CNTN4: variants seen among roughly 807,000 people sequenced by gnomAD.
The protein encoded by CNTN4 is contactin 4.
In CNTN4, 77 loss-of-function variants were observed where a neutral mutation model predicts 122.5. That is an observed-to-expected ratio of 0.63 (90% CI 0.52 to 0.76). The LOEUF (loss-of-function observed/expected upper bound fraction) is 0.76. CNTN4 is among the 30% of genes least tolerant of loss of function. The pLI is 0.00. For synonymous variants in CNTN4, 512 were observed against 447.0 expected, an observed-to-expected ratio of 1.15 and a Z score of -1.83; for missense variants, 1,256 against 1,259.1, an observed-to-expected ratio of 1.00 and a Z score of 0.04.
At chr3:2,526,049 G>A (rs1223678974) in intron 3 of CNTN4, among the ~76,000 whole-genome samples, 1 of 152,056 alleles carries the variant, frequency 6.6e-6, no homozygotes, top group Non-Finnish European at 1.5e-5. Flanking sequence ...GAATCAAAAA[G>A]GTAGTGTGAC....
chr3:2,213,069 G>A (rs533581926), intron 2 of CNTN4, among the ~76,000 whole-genome samples: 18 of 152,254 alleles, frequency 1.2e-4, no homozygotes, highest in African/African-American at 4.1e-4. Flanking sequence ...AAATGCTGTG[G>A]TTTGTTTGGT....
chr3:2,497,762 C>G (rs1414792920), intron 3 of CNTN4, among the ~76,000 whole-genome samples: 1 of 152,102 alleles, frequency 6.6e-6, no homozygotes, highest in Non-Finnish European at 1.5e-5. Context: ...CCTTATAGAG[C>G]ACTTAACAGA....
At chr3:2,784,386 G>C (rs370341626) in intron 6 of CNTN4, among the ~76,000 whole-genome samples, 1 of 152,142 alleles carries the variant, frequency 6.6e-6, no homozygotes, top group South Asian at 2.1e-4. Flanking sequence ...CTCCACATCC[G>C]TTTGATCTTC....
chr3:2,260,720 TTTTA>T (rs887555731), intron 2 of CNTN4, among the ~76,000 whole-genome samples: 9 of 121,076 alleles, frequency 7.4e-5, no homozygotes, highest in African/African-American at 2.2e-4. Context: ...TTTCTTTTTA[TTTTA>T]TTTATTTATT....
rs17025124 is a variant in CNTN4 at position 3,036,462 on chromosome 3, T to C, written c.1943-717T>C. ...TTCTGTTAAATGGGCACAATAAGAATTGTTTAAGAATGAATATAGGCCAGG... is the reference window on the plus strand; with the variant it reads ...TTCTGTTAAATGGGCACAATAAGAACTGTTTAAGAATGAATATAGGCCAGG... On this transcript the variant is annotated intron_variant, in intron 17 of 24. Coordinates refer to ENST00000418658, the MANE Select transcript of CNTN4 (RefSeq NM_175607.3). Among the ~76,000 whole-genome samples the C allele has an allele frequency of 3.4e-3, 515 of 152,208 alleles. 3 individuals are homozygous for C. Among genetic ancestry groups the C allele is most frequent in the African/African-American group, 0.012 (479 of 41,542 alleles).
At chr3:2,331,614 A>C (rs899193240) in intron 2 of CNTN4, among the ~76,000 whole-genome samples, 2 of 152,180 alleles carry the variant, frequency 1.3e-5, no homozygotes, top group South Asian at 2.1e-4. Context: ...TACCCTGAGA[A>C]TGACCCTGTA....
intron 2 of CNTN4, among the ~76,000 whole-genome samples, chr3:2,103,718 AT>A (rs534171706): frequency 2.6e-4 from 32 of 122,374 alleles, no homozygotes; most frequent in East Asian, 7.5e-4. Flanking sequence ...ATTATTTTTT[AT>A]TTATCTATTT....
chr3:2,573,218 C>T (rs2079505339), intron 4 of CNTN4, among the ~76,000 whole-genome samples: 1 of 152,180 alleles, frequency 6.6e-6, no homozygotes, highest in African/African-American at 2.4e-5. Flanking sequence ...TTTCATTCTT[C>T]CTATGTTTTT....
chr3:2,169,396 A>G (rs1356780901), intron 2 of CNTN4, among the ~76,000 whole-genome samples: 1 of 152,130 alleles, frequency 6.6e-6, no homozygotes, highest in African/African-American at 2.4e-5. Context: ...TTAGAACATT[A>G]GGAATGATAA....
intron 3 of CNTN4, among the ~76,000 whole-genome samples, chr3:2,503,757 T>C (rs2149020979): frequency 6.6e-6 from 1 of 152,082 alleles, no homozygotes; most frequent in Non-Finnish European, 1.5e-5. Flanking sequence ...TATATTTACA[T>C]AGATAGGAAA....
At chr3:2,838,479 G>A (rs1437738816) in intron 7 of CNTN4, among the ~76,000 whole-genome samples, 3 of 151,352 alleles carry the variant, frequency 2.0e-5, no homozygotes, top group Admixed American at 2.0e-4. Flanking sequence ...TATAGAGCAT[G>A]GATGAGAGAA....
chr3:2,831,360 A>C (rs1459253761), intron 7 of CNTN4, among the ~76,000 whole-genome samples: 2 of 152,266 alleles, frequency 1.3e-5, no homozygotes, highest in Non-Finnish European at 2.9e-5. Context: ...TGATTTTGAC[A>C]TTTGCAGATA....
intron 4 of CNTN4, among the ~76,000 whole-genome samples, chr3:2,634,003 C>G (rs989212573): frequency 6.6e-6 from 1 of 152,176 alleles, no homozygotes; most frequent in South Asian, 2.1e-4. Flanking sequence ...CTATCCCTTA[C>G]AAGAACAGAT....
chr3:2,223,574 G>A (rs540303685), intron 2 of CNTN4, among the ~76,000 whole-genome samples: 1 of 152,228 alleles, frequency 6.6e-6, no homozygotes, highest in Admixed American at 6.5e-5. Flanking sequence ...AGAGTTGACA[G>A]AGTAGGCCTG....
intron 14 of CNTN4, among the ~76,000 whole-genome samples, chr3:3,018,457 C>G (rs1400409296): frequency 6.6e-6 from 1 of 152,040 alleles, no homozygotes; most frequent in South Asian, 2.1e-4. Context: ...CCTCCCTTTC[C>G]TGTCTGGCAC....
At chr3:2,473,654 T>C (rs2075756899) in intron 3 of CNTN4, among the ~76,000 whole-genome samples, 1 of 152,164 alleles carries the variant, frequency 6.6e-6, no homozygotes, top group Non-Finnish European at 1.5e-5. Flanking sequence ...GCAGTGATGC[T>C]TCAAAGATTA....
intron 4 of CNTN4, among the ~76,000 whole-genome samples, chr3:2,648,807 T>C (rs1396994558): frequency 6.6e-6 from 1 of 152,230 alleles, no homozygotes; most frequent in Admixed American, 6.5e-5. Flanking sequence ...CTGAAAGCTA[T>C]GCCTCTTGCG....
At chr3:2,684,255 G>T (rs755514362) in intron 4 of CNTN4, among the ~76,000 whole-genome samples, 1 of 152,132 alleles carries the variant, frequency 6.6e-6, no homozygotes, top group Non-Finnish European at 1.5e-5. Flanking sequence ...AGAGTAAGAT[G>T]AATGAATCCC....
At chr3:2,120,385 ATATATATATATATATATATATTTT>A (rs1191915128) in intron 2 of CNTN4, among the ~76,000 whole-genome samples, 1 of 25,156 alleles carries the variant, frequency 4.0e-5, no homozygotes, top group African/African-American at 1.1e-4. Context: ...ATATATATAT[ATATATATATATATATATATATTTT>A]TTTTTTTTTT....
Sources: allele counts gnomAD v4.1 joint callset (sites outside exome capture counted in the v4.1 genomes callset), GRCh38; gene constraint gnomAD v4.1.1; transcripts MANE v1.5; gene names NCBI Gene and HGNC (gene_info 2026-07-23, HGNC 2026-07-21).